TNRC6A: variants seen among roughly 807,000 people sequenced by gnomAD.
TNRC6A encodes the protein trinucleotide repeat-containing gene 6A protein.
A neutral mutation model predicts 221.2 loss-of-function variants in TNRC6A; 44 were observed. That is an observed-to-expected ratio of 0.20 (90% CI 0.16 to 0.26). The LOEUF is 0.26. Among genes scored for constraint, TNRC6A ranks in the 10% least tolerant of loss-of-function variants. The probability of loss-of-function intolerance (pLI) is 1.00; values close to 1 mark genes in which losing one functional copy is unlikely to be tolerated. For synonymous variants in TNRC6A, 847 were observed against 838.5 expected, an observed-to-expected ratio of 1.01 and a Z score of -0.18; for missense variants, 2,199 against 2,404.4, an observed-to-expected ratio of 0.91 and a Z score of 1.79.
chr16:24,701,684 C>A (rs1391980429), intron 2 of TNRC6A, among the ~76,000 whole-genome samples: 1 of 152,092 alleles, frequency 6.6e-6, no homozygotes, highest in Non-Finnish European at 1.5e-5. Context: ...ACTTGTCTAA[C>A]CTCCTGGCTT....
chr16:24,691,975 C>G (rs2055764562), intron 2 of TNRC6A, among the ~76,000 whole-genome samples: 1 of 152,016 alleles, frequency 6.6e-6, no homozygotes. Flanking sequence ...ATGTGTGCAA[C>G]TAAAATAATT....
intron 2 of TNRC6A, among the ~76,000 whole-genome samples, chr16:24,654,318 T>C (rs1902832750): frequency 6.6e-6 from 1 of 152,168 alleles, no homozygotes; most frequent in Non-Finnish European, 1.5e-5. Flanking sequence ...CTGGACAGGC[T>C]CAATGAATGA....
At position 24,649,804 on chromosome 16, in the gene TNRC6A, G is replaced by GTC. The variant is rs1159561224; in HGVS notation, n.402+8807_402+8808dup. ...CAATTTCCCCATCCCCCAGCTTCCA[G>GTC]TCTCTCTCTCTCTTTTTTTTTTTTT... On this transcript the variant is annotated intron_variant and non_coding_transcript_variant, in intron 2 of 2. Coordinates refer to the TNRC6A transcript ENST00000566108. Among the ~76,000 whole-genome samples the GTC allele has an allele frequency of 7.7e-3, 1,050 of 136,360 alleles. 21 individuals are homozygous for GTC. Among genetic ancestry groups the GTC allele is most frequent in the African/African-American group, 0.025 (908 of 35,916 alleles). The allele number at this position is 136,360 out of a possible 152,430, so 89.5% of individuals were successfully genotyped here.
upstream of TNRC6A, among the ~76,000 whole-genome samples, chr16:24,725,190 G>A (rs575560090): frequency 1.6e-3 from 236 of 152,118 alleles, 2 homozygotes; most frequent in African/African-American, 5.3e-3. Context: ...TATTTATTGA[G>A]AAAAGGTCTC....
In TNRC6A at chr16:24,679,233, G is replaced by A. The variant is rs1162547626; in HGVS notation, n.402+38224G>A. ...GGCTGGTCTCAAACTCCCAACCTCA[G>A]GTGATCCACCCACCTTGGCCTCCCA... On this transcript the variant is annotated intron_variant and non_coding_transcript_variant, in intron 2 of 2. Coordinates refer to the TNRC6A transcript ENST00000566108. Among the ~76,000 whole-genome samples, 5 of 151,982 alleles carry A rather than the reference G, an allele frequency of 3.3e-5. No homozygotes were observed. In the East Asian group the frequency reaches 5.8e-4, roughly 18 times the overall value.
chr16:24,804,202 G>A lies in TNRC6A; in HGVS notation c.3720G>A (p.Glu1240=), dbSNP rs1242658580. The A allele has an allele frequency of 5.0e-6, 8 of 1,611,164 alleles. No individual in the cohort carries two copies. Among genetic ancestry groups the A allele is most frequent in the Non-Finnish European group, 5.9e-6 (7 of 1,179,376 alleles). ...GAATGTTACAAGACAAACGAATGGA[G>A]ATAGATAAACATAGCCTAAATATTG... ...SGGMLQDKRM[E]IDKHSLNIGD... Residue 1240 remains glutamate (E), a synonymous_variant, in exon 12 of 25, where the codon GAG becomes GAA. Coordinates refer to ENST00000395799, the MANE Select transcript of TNRC6A (RefSeq NM_014494.4).
At chr16:24,758,597 A>G (rs1272290475) in intron 4 of TNRC6A, among the ~76,000 whole-genome samples, 1 of 152,124 alleles carries the variant, frequency 6.6e-6, no homozygotes, top group African/African-American at 2.4e-5. Flanking sequence ...TCATAGGATA[A>G]GAGTAAGCAC....
chr16:24,626,505 A>G (rs1900997624), intron 1 of TNRC6A, among the ~76,000 whole-genome samples: 1 of 152,106 alleles, frequency 6.6e-6, no homozygotes, highest in Non-Finnish European at 1.5e-5. Context: ...AATTCAAGCC[A>G]TAGCATACTT....
rs1596847670 is a variant in TNRC6A at position 24,823,086 on chromosome 16, C to A, written c.5513+73C>A. The A allele has an allele frequency of 6.3e-7, 1 of 1,599,380 alleles. No homozygotes were observed. Among genetic ancestry groups the A allele is most frequent in the East Asian group, 2.2e-5 (1 of 44,774 alleles). On this transcript the variant is annotated intron_variant, in intron 24 of 24. Transcript: ENST00000395799. The surrounding 1 kb of genome is among the most constrained non-coding windows in gnomAD (Gnocchi z 4.3). ...TGTGAGAGCACAGCCTGACCCGGGG[C>A]AGTGCACAGGGTCCTGCGTGGGTGG...
chr16:24,648,273 A>ATTTTTTTTTTT (rs1902398993), intron 2 of TNRC6A, among the ~76,000 whole-genome samples: 1 of 51,742 alleles, frequency 1.9e-5, no homozygotes, highest in Admixed American at 1.7e-4. Flanking sequence ...TTCCACAGCA[A>ATTTTTTTTTTT]CTTTTTTTTT....
At chr16:24,803,943 C>G in intron 11 of TNRC6A, 1 of 413,578 alleles carries the variant, frequency 2.4e-6, no homozygotes, top group Non-Finnish European at 4.2e-6. Context: ...CAGCCACCTT[C>G]TGTTTACTAG....
chr16:24,795,331 T>C (rs2058196774), intron 8 of TNRC6A, among the ~76,000 whole-genome samples: 1 of 152,152 alleles, frequency 6.6e-6, no homozygotes, highest in Non-Finnish European at 1.5e-5. Flanking sequence ...ACCAAGTTTC[T>C]TATCCTAAAG....
At chr16:24,665,106 C>A in intron 2 of TNRC6A, 1 of 404,948 alleles carries the variant, frequency 2.5e-6, no homozygotes, top group Non-Finnish European at 5.0e-6. Flanking sequence ...CACTCTGTTG[C>A]CTAGCCTGGA....
chr16:24,632,143 G>A (rs377229142), intron 1 of TNRC6A, among the ~76,000 whole-genome samples: 3 of 152,010 alleles, frequency 2.0e-5, no homozygotes, highest in Non-Finnish European at 4.4e-5. Flanking sequence ...GAGCCACCAC[G>A]CCCAGGCTCT....
chr16:24,696,321 C>T (rs1226583255), intron 2 of TNRC6A, among the ~76,000 whole-genome samples: 2 of 146,868 alleles, frequency 1.4e-5, no homozygotes, highest in Admixed American at 7.0e-5. Flanking sequence ...GCACTCCAGC[C>T]TGAGCGACAG....
At chr16:24,653,814 G>A (rs1250241825) in intron 2 of TNRC6A, among the ~76,000 whole-genome samples, 1 of 151,914 alleles carries the variant, frequency 6.6e-6, no homozygotes, top group African/African-American at 2.4e-5. Flanking sequence ...AACGTGATAG[G>A]CATTACTTTA....
intron 14 of TNRC6A, 93 bp from the exon 15 acceptor site, chr16:24,805,512 T>G: frequency 4.6e-6 from 7 of 1,524,818 alleles, no homozygotes; most frequent in Non-Finnish European, 6.2e-6. Flanking sequence ...GTCCACAAAT[T>G]TAACTGCTCT....
At chr16:24,687,843 G>GGAAGGAGAAGAAGAAGAA (rs2055660780) in intron 2 of TNRC6A, among the ~76,000 whole-genome samples, 1 of 101,856 alleles carries the variant, frequency 9.8e-6, no homozygotes, top group Non-Finnish European at 2.0e-5. Context: ...AAGAGGAAGA[G>GGAAGGAGAAGAAGAAGAA]GAAGAAGAAG....
intron 2 of TNRC6A, among the ~76,000 whole-genome samples, chr16:24,650,936 C>T (rs993220277): frequency 6.6e-6 from 1 of 152,160 alleles, no homozygotes; most frequent in African/African-American, 2.4e-5. Flanking sequence ...TCCCCATTCA[C>T]ATTAGCTACA....
Sources: allele counts gnomAD v4.1 joint callset (sites outside exome capture counted in the v4.1 genomes callset), GRCh38; gene constraint gnomAD v4.1.1; non-coding constraint Gnocchi (gnomAD v3.1); transcripts MANE v1.5; gene names NCBI Gene and HGNC (gene_info 2026-07-23, HGNC 2026-07-21).